The following NDUFAF7 variants were observed in gnomAD, a reference collection of about 807,000 sequenced individuals.
NDUFAF7 encodes the protein protein arginine methyltransferase NDUFAF7, mitochondrial.
Under a neutral mutation model 47.2 loss-of-function variants are expected in NDUFAF7, and 48 were observed. The observed-to-expected ratio is 1.02, with a 90% confidence interval of 0.81 to 1.29. NDUFAF7 has a LOEUF of 1.29. Among genes scored for constraint, NDUFAF7 ranks in the 50% most tolerant of loss-of-function variants. NDUFAF7 has a pLI of 0.00. For synonymous variants in NDUFAF7, 217 were observed against 190.0 expected, an observed-to-expected ratio of 1.14 and a Z score of -1.17; for missense variants, 635 against 537.6, an observed-to-expected ratio of 1.18 and a Z score of -1.79.
chr2:37,247,668 AT>A, intron 9 of NDUFAF7, 39 bp downstream of exon 9: 1 of 1,606,636 alleles, frequency 6.2e-7, no homozygotes, highest in Admixed American at 1.7e-5. Context: ...AAGTACTTTC[AT>A]AGTATTTCAA....
intron 2 of NDUFAF7, 98 bp downstream of exon 2, chr2:37,232,364 G>A: frequency 1.3e-6 from 2 of 1,492,146 alleles, no homozygotes; most frequent in Non-Finnish European, 1.9e-6. Flanking sequence ...CCAGGCAGTG[G>A]GGGTGCCTGC....
the NDUFAF7 span, among the ~76,000 whole-genome samples, chr2:37,265,033 TTTCTC>T: frequency 6.6e-6 from 1 of 152,196 alleles, no homozygotes; most frequent in Non-Finnish European, 1.5e-5. Context: ...CACCCCATCT[TTTCTC>T]TAAGTATGTG....
Position 37,237,756 on chromosome 2 carries a change from G to T in NDUFAF7, c.298-1G>T, listed in dbSNP as rs1286915161. On this transcript the variant is annotated splice_acceptor_variant, in intron 3 of 9. Coordinates refer to ENST00000002125, the MANE Select transcript of NDUFAF7 (RefSeq NM_144736.5). LOFTEE classifies it high-confidence loss of function. ...TGTGTTTTTTTTTTCCCTTTTCACA[G>T]CTACTAGGTATATGGTTCATTAGTG... 3.8e-6 allele frequency: 6 copies of T among 1,583,734 alleles called. No homozygotes were observed. The highest frequency in any genetic ancestry group is 5.2e-6 in the Non-Finnish European group (6 of 1,152,922).
chr2:37,256,937 T>A (rs761682928), downstream of NDUFAF7: 3 of 1,613,786 alleles, frequency 1.9e-6, no homozygotes, highest in East Asian at 4.5e-5. Context: ...CACCTGGAAA[T>A]TGAAGGATGA....
chr2:37,268,360 A>T, the NDUFAF7 span: 1 of 470,810 alleles, frequency 2.1e-6, no homozygotes, highest in African/African-American at 2.0e-5. Context: ...AACTACTCTT[A>T]AAACTGACAA....
In NDUFAF7 at chr2:37,235,074, C is replaced by G. The variant is rs1467115833; in HGVS notation, c.217-1022C>G. On this transcript the variant is annotated intron_variant, in intron 2 of 9. Coordinates refer to ENST00000002125, the MANE Select transcript of NDUFAF7 (RefSeq NM_144736.5). ...AACAACTATACTTTGTGGTGAAGAA[C>G]AGAGACAAATTAGCTCAGAAAAGGT... Among the ~76,000 whole-genome samples the G allele has an allele frequency of 2.6e-5, 4 of 152,070 alleles. No homozygotes were observed. The East Asian group carries it at 7.7e-4, about 29-fold the overall frequency.
At chr2:37,257,877 G>T (rs972650174), downstream of NDUFAF7, among the ~76,000 whole-genome samples, 9 of 152,062 alleles carry the variant, frequency 5.9e-5, no homozygotes, top group African/African-American at 2.2e-4. Flanking sequence ...TATCACTGTG[G>T]AACAAATTAT....
At chr2:37,241,924 C>G in intron 5 of NDUFAF7, 133 bp downstream of exon 5, 2 of 715,170 alleles carry the variant, frequency 2.8e-6, no homozygotes. Context: ...AGAGAGTAGC[C>G]TACTTTTTTC....
At position 37,246,125 on chromosome 2, in the gene NDUFAF7, T is replaced by G. The variant is rs535284205; in HGVS notation, c.866T>G (p.Ile289Ser). The G allele has an allele frequency of 6.2e-7, 1 of 1,613,962 alleles. No individual in the cohort carries two copies. The highest frequency in any genetic ancestry group is 1.1e-5 in the South Asian group (1 of 91,076). The change falls in exon 8 of 10, where the codon ATT becomes AGT. Residue 289 changes from isoleucine to serine, a missense_variant. Coordinates refer to ENST00000002125, the MANE Select transcript of NDUFAF7 (RefSeq NM_144736.5). ...ATCATCGAGGAACTTTCTCAACGCA[T>G]TGCATTAACTGGAGGTGCTGCACTG... Reference protein sequence around the residue: ...GVIIEELSQRIALTGGAALVA... With the variant: ...GVIIEELSQRSALTGGAALVA...
chr2:37,255,721 T>C (rs1667877104), downstream of NDUFAF7, among the ~76,000 whole-genome samples: 2 of 152,074 alleles, frequency 1.3e-5, no homozygotes, highest in Non-Finnish European at 2.9e-5. Context: ...AAGAAAAAAA[T>C]GGGGCTGGGT....
chr2:37,248,918 A>AG lies in NDUFAF7; in HGVS notation c.*568_*569insG. ...AACAAGAGCAAAAATCCCTCTCAAA[A>AG]AAAAAAGTAAACATGGGCACTGATT... On this transcript the variant is annotated 3_prime_UTR_variant, in exon 10 of 10. Coordinates refer to ENST00000002125, the MANE Select transcript of NDUFAF7 (RefSeq NM_144736.5). 6.3e-6 allele frequency: 1 copy of AG among 157,828 alleles called. No individual in the cohort carries two copies. 9.8% of individuals were successfully genotyped at this position (157,828 alleles called of 1,614,324 possible).
Position 37,247,428 on chromosome 2 carries a change from G to T in NDUFAF7, c.937-28G>T, listed in dbSNP as rs770826865. Reference sequence around the variant, plus strand: ...CTTTAATCTTAATAACCATAAAAGGGCAAAAATCTGATTTCTTTATGTTCA... The same window carrying T: ...CTTTAATCTTAATAACCATAAAAGGTCAAAAATCTGATTTCTTTATGTTCA... On this transcript the variant is annotated intron_variant, in intron 8 of 9. Transcript: ENST00000002125. 3.1e-6 allele frequency: 5 copies of T among 1,613,328 alleles called. No homozygotes were observed. In the Admixed American group the frequency reaches 5.0e-5, roughly 16 times the overall value.
chr2:37,255,940 G>T (rs540224539), downstream of NDUFAF7, among the ~76,000 whole-genome samples: 1 of 152,290 alleles, frequency 6.6e-6, no homozygotes, highest in East Asian at 1.9e-4. Context: ...CTTGAGCCCA[G>T]GAAGTCGAGG....
At chr2:37,255,755 C>T (rs1039321577), downstream of NDUFAF7, among the ~76,000 whole-genome samples, 3 of 152,142 alleles carry the variant, frequency 2.0e-5, no homozygotes, top group Non-Finnish European at 4.4e-5. Context: ...CCTGTAATCC[C>T]AGCACTTTGG....
Position 37,232,067 on chromosome 2 carries a change from G to A in NDUFAF7, c.56-39G>A, listed in dbSNP as rs750582490. 5 of 1,614,010 alleles carry A rather than the reference G, an allele frequency of 3.1e-6. No homozygotes were observed. In the African/African-American group the frequency reaches 5.3e-5, roughly 17 times the overall value. On this transcript the variant is annotated intron_variant, in intron 1 of 9. Coordinates refer to ENST00000002125, the MANE Select transcript of NDUFAF7 (RefSeq NM_144736.5). ...GGCGGCTTGCGCTCGTGAATGGTCA[G>A]ATTTATCATGGGGTCTGTTTAATTT... is the stretch of plus-strand genomic sequence containing the variant.
At chr2:37,250,017 CATT>C (rs1038380727), downstream of NDUFAF7, among the ~76,000 whole-genome samples, 16 of 150,148 alleles carry the variant, frequency 1.1e-4, no homozygotes, top group African/African-American at 3.7e-4. Context: ...TTTCTTAAAA[CATT>C]ATGAGATTTT....
chr2:37,258,249 G>T (rs1441035044), downstream of NDUFAF7, among the ~76,000 whole-genome samples: 2 of 152,204 alleles, frequency 1.3e-5, no homozygotes, highest in African/African-American at 4.8e-5. Flanking sequence ...GGTGGACTCT[G>T]ACACATATTT....
the NDUFAF7 span, chr2:37,267,516 T>A: frequency 6.2e-7 from 1 of 1,608,704 alleles, no homozygotes; most frequent in South Asian, 1.1e-5. Flanking sequence ...GCCACATCCC[T>A]CCCAGTCTTT....
downstream of NDUFAF7, among the ~76,000 whole-genome samples, chr2:37,256,018 T>TA (rs1343491918): frequency 6.6e-6 from 1 of 151,974 alleles, no homozygotes; most frequent in East Asian, 1.9e-4. Context: ...TCAATAAAAA[T>TA]AAAAAAAGAT....
Sources: gnomAD v4.1 joint callset for allele counts (sites outside exome capture counted in the v4.1 genomes callset) on GRCh38, gnomAD v4.1.1 for gene constraint, MANE v1.5 for transcripts, NCBI Gene and HGNC (gene_info 2026-07-23, HGNC 2026-07-21) for gene names.